Variants in DLGAP1 observed in about 807,000 individuals in gnomAD.
DLGAP1 encodes disks large-associated protein 1.
In DLGAP1, 11 loss-of-function variants were observed where a neutral mutation model predicts 90.8. The ratio of observed to expected loss-of-function variants is 0.12; its 90% CI spans 0.08 to 0.20. DLGAP1 has a LOEUF of 0.20. DLGAP1 is among the 10% of genes least tolerant of loss of function. The pLI, the probability that DLGAP1 is intolerant of heterozygous loss-of-function variation, is 1.00. For missense variants in DLGAP1, 1,050 were observed against 1,333.8 expected (o/e 0.79, Z 3.31); for synonymous variants, 558 against 540.7 (o/e 1.03, Z -0.44).
chr18:3,543,916 A>G (rs140710768), intron 9 of DLGAP1, among the ~76,000 whole-genome samples: 30 of 152,334 alleles, frequency 2.0e-4, no homozygotes, highest in African/African-American at 6.5e-4. Flanking sequence ...ACGGGTCCCA[A>G]TAGCATATTC....
chr18:3,523,810 T>C (rs945831715), intron 10 of DLGAP1, among the ~76,000 whole-genome samples: 65 of 147,438 alleles, frequency 4.4e-4, no homozygotes, highest in East Asian at 1.2e-3. Context: ...ATAGCGCCAC[T>C]GCACTCCAGC....
intron 1 of DLGAP1, among the ~76,000 whole-genome samples, chr18:4,291,661 A>G (rs1228473850): frequency 6.6e-6 from 1 of 152,152 alleles, no homozygotes; most frequent in African/African-American, 2.4e-5. Flanking sequence ...TGTAGCTACC[A>G]TGAGAAATAA....
intron 7 of DLGAP1, among the ~76,000 whole-genome samples, chr18:3,715,225 C>T (rs1428952612): frequency 6.6e-6 from 1 of 152,130 alleles, no homozygotes; most frequent in African/African-American, 2.4e-5. Context: ...TAAAGTTTCC[C>T]CTAGAGCTGT....
chr18:3,531,817 T>A (rs533710599), intron 10 of DLGAP1, among the ~76,000 whole-genome samples: 2 of 151,968 alleles, frequency 1.3e-5, no homozygotes, highest in Non-Finnish European at 2.9e-5. Context: ...TTTCTATAAG[T>A]GTGAGCTACA....
intron 10 of DLGAP1, among the ~76,000 whole-genome samples, chr18:3,513,367 TG>T (rs1349036018): frequency 6.6e-6 from 1 of 152,246 alleles, no homozygotes; most frequent in East Asian, 1.9e-4. Context: ...GGCATGAACA[TG>T]GGGTCCTATA....
intron 5 of DLGAP1, among the ~76,000 whole-genome samples, chr18:3,801,982 T>G (rs2148333492): frequency 1.0e-5 from 1 of 97,452 alleles, no homozygotes; most frequent in Admixed American, 1.0e-4. Context: ...TTTGTTTGTT[T>G]GTTTGTTTGT....
intron 3 of DLGAP1, among the ~76,000 whole-genome samples, chr18:4,004,643 A>G (rs1298031629): frequency 6.6e-6 from 1 of 152,196 alleles, no homozygotes; most frequent in Non-Finnish European, 1.5e-5. Context: ...ATTAATTTCA[A>G]CTGCACAGTC....
intron 1 of DLGAP1, among the ~76,000 whole-genome samples, chr18:4,372,540 G>C (rs1373944128): frequency 6.6e-6 from 1 of 152,174 alleles, no homozygotes; most frequent in Non-Finnish European, 1.5e-5. Flanking sequence ...TAGAGGAAGG[G>C]GTATAGATTT....
rs1273849058 is a variant in DLGAP1 at position 3,660,760 on chromosome 18, AT to A, written c.1591+68374del. Among the ~76,000 whole-genome samples, 2 of 152,252 alleles carry A rather than the reference AT, an allele frequency of 1.3e-5. No individual in the cohort carries two copies. Among genetic ancestry groups the A allele is most frequent in the African/African-American group, 4.8e-5 (2 of 41,458 alleles). On this transcript the variant is annotated intron_variant, in intron 7 of 12. Transcript: ENST00000315677. This position sits in a 1 kb window ranked among gnomAD's most constrained non-coding sequence, Gnocchi z 4.2. ...TTTAGGGTTCCAATATTGGCAAGGT[AT>A]CTGACAAGTAAGTTTATTGGCTACT...
chr18:3,700,828 C>T (rs1031091430), intron 7 of DLGAP1, among the ~76,000 whole-genome samples: 5 of 151,914 alleles, frequency 3.3e-5, no homozygotes, highest in African/African-American at 1.2e-4. Flanking sequence ...CCAGGATGGT[C>T]TCTGTCTCTT....
intron 1 of DLGAP1, among the ~76,000 whole-genome samples, chr18:4,181,429 A>T (rs1475121690): frequency 6.6e-6 from 1 of 152,182 alleles, no homozygotes; most frequent in Non-Finnish European, 1.5e-5. Context: ...TTAATTTCAC[A>T]GGTGGTTGAA....
At chr18:3,600,767 T>TATATAGATATATAGATATATATAG (rs1568277897) in intron 7 of DLGAP1, among the ~76,000 whole-genome samples, 2 of 35,290 alleles carry the variant, frequency 5.7e-5, no homozygotes, top group Non-Finnish European at 9.6e-5. Flanking sequence ...GATATATAGA[T>TATATAGATATATAGATATATATAG]ATATATAGAT....
chr18:3,521,726 G>A lies in DLGAP1; in HGVS notation c.2479+12468C>T, dbSNP rs533071185. ...TGTTCTGTTAATATGTCAGATTTCC[G>A]ACCAGAATGTGAGCTCTTTGATGGC... On this transcript the variant is annotated intron_variant, in intron 10 of 12. Transcript: ENST00000315677. Among the ~76,000 whole-genome samples, 3 of 152,150 alleles carry A rather than the reference G, an allele frequency of 2.0e-5. No individual in the cohort carries two copies. In the East Asian group the frequency reaches 5.8e-4, roughly 29 times the overall value.
At chr18:4,308,920 G>A (rs1051669732) in intron 1 of DLGAP1, among the ~76,000 whole-genome samples, 1 of 152,096 alleles carries the variant, frequency 6.6e-6, no homozygotes, top group Non-Finnish European at 1.5e-5. Flanking sequence ...AGATACAGAG[G>A]CCAGAACAAC....
At chr18:4,297,250 G>A in intron 1 of DLGAP1, among the ~76,000 whole-genome samples, 1 of 152,104 alleles carries the variant, frequency 6.6e-6, no homozygotes, top group East Asian at 1.9e-4. Flanking sequence ...GGGCAGAGAA[G>A]GGAGTCCCAT....
rs185022708 is a variant in DLGAP1 at position 4,345,326 on chromosome 18, G to A, written c.-267+109680C>T. Reference sequence around the variant, plus strand: ...CCAATTCTGTTTTGATAATAATCCTGACTAGAGTAAAACTGGCAATGTAAT... The same window carrying A: ...CCAATTCTGTTTTGATAATAATCCTAACTAGAGTAAAACTGGCAATGTAAT... On this transcript the variant is annotated intron_variant, in intron 1 of 12. Coordinates refer to ENST00000315677, the MANE Select transcript of DLGAP1 (RefSeq NM_004746.4). 1.3e-3 allele frequency among the ~76,000 whole-genome samples: 195 copies of A among 152,114 alleles called. 2 individuals carry two copies. Among genetic ancestry groups the A allele is most frequent in the Middle Eastern group, 0.01 (3 of 292 alleles).
At chr18:3,860,203 T>C (rs1329181999) in intron 4 of DLGAP1, among the ~76,000 whole-genome samples, 1 of 152,250 alleles carries the variant, frequency 6.6e-6, no homozygotes, top group East Asian at 1.9e-4. Flanking sequence ...AAGGGTTTCA[T>C]GTGCTCAAAA....
intron 1 of DLGAP1, among the ~76,000 whole-genome samples, chr18:4,197,188 T>TAAAAAAAAAAAA (rs532844849): frequency 5.3e-3 from 389 of 73,368 alleles, no homozygotes; most frequent in African/African-American, 6.4e-3. Context: ...TAAAAAAAAG[T>TAAAAAAAAAAAA]AAAAAAAAAA....
intron 3 of DLGAP1, among the ~76,000 whole-genome samples, chr18:3,947,907 A>G (rs192499777): frequency 6.6e-6 from 1 of 152,332 alleles, no homozygotes; most frequent in East Asian, 1.9e-4. Flanking sequence ...GATTTGTAAT[A>G]CATCTTGTCT....
Sources: allele counts gnomAD v4.1 joint callset (sites outside exome capture counted in the v4.1 genomes callset), GRCh38; gene constraint gnomAD v4.1.1; non-coding constraint Gnocchi (gnomAD v3.1); transcripts MANE v1.5; gene names NCBI Gene and HGNC (gene_info 2026-07-23, HGNC 2026-07-21).